Variants in EXOC6B observed in about 807,000 individuals in gnomAD.
EXOC6B encodes the protein SEC15 homolog B.
A neutral mutation model predicts 113.5 loss-of-function variants in EXOC6B; 54 were observed. That is an observed-to-expected ratio of 0.48 (90% confidence interval 0.38 to 0.60). EXOC6B has a LOEUF of 0.60. Among genes scored for constraint, EXOC6B ranks in the 20% least tolerant of loss-of-function variants. EXOC6B has a pLI of 0.00. For missense variants in EXOC6B, 797 were observed against 977.5 expected (o/e 0.82, Z 2.46); for synonymous variants, 357 against 339.0 (o/e 1.05, Z -0.58).
intron 20 of EXOC6B, among the ~76,000 whole-genome samples, chr2:72,194,178 A>C (rs1356627465): frequency 6.6e-6 from 1 of 152,188 alleles, no homozygotes; most frequent in Non-Finnish European, 1.5e-5. Context: ...TCCCATTATA[A>C]TGAGATGGCA....
At chr2:72,612,053 C>T (rs1472210848) in intron 6 of EXOC6B, among the ~76,000 whole-genome samples, 1 of 152,004 alleles carries the variant, frequency 6.6e-6, no homozygotes, top group Non-Finnish European at 1.5e-5. Flanking sequence ...AAGCCTGAGG[C>T]GGGTGGATCA....
At position 72,726,078 on chromosome 2, in the gene EXOC6B, A is replaced by G. The variant is rs921953005; in HGVS notation, c.464+4929T>C. On this transcript the variant is annotated intron_variant, in intron 5 of 21. Transcript: ENST00000272427. ...ATGAAACAGTGATACATGCTACAACATGAATGAATTTTGAAAACCTTCCAT... is the reference window on the plus strand; with the variant it reads ...ATGAAACAGTGATACATGCTACAACGTGAATGAATTTTGAAAACCTTCCAT... Among the ~76,000 whole-genome samples, 5 of 152,246 alleles carry G rather than the reference A, an allele frequency of 3.3e-5. 1 individual carries two copies. Among genetic ancestry groups the G allele is most frequent in the Non-Finnish European group, 5.9e-5 (4 of 68,046 alleles).
intron 6 of EXOC6B, among the ~76,000 whole-genome samples, chr2:72,668,740 G>A (rs1675571563): frequency 6.6e-6 from 1 of 152,124 alleles, no homozygotes; most frequent in African/African-American, 2.4e-5. Flanking sequence ...CATAAAGATT[G>A]GAATAACAGA....
At chr2:72,266,279 T>C (rs1235192243) in intron 20 of EXOC6B, among the ~76,000 whole-genome samples, 1 of 150,498 alleles carries the variant, frequency 6.6e-6, no homozygotes, top group African/African-American at 2.4e-5. Flanking sequence ...TTTGTCAATT[T>C]TGGCTTTTGT....
At chr2:72,466,211 G>T (rs2105424022) in intron 17 of EXOC6B, among the ~76,000 whole-genome samples, 1 of 152,050 alleles carries the variant, frequency 6.6e-6, no homozygotes, top group Middle Eastern at 3.4e-3. Flanking sequence ...TGGGCATGGT[G>T]GTGGGAGCCT....
rs987124678 is a variant in EXOC6B, at chr2:72,515,072, G to A, written c.970C>T (p.Arg324Cys). The A allele has an allele frequency of 1.9e-6, 3 of 1,607,902 alleles. No homozygotes were observed. The highest frequency in any genetic ancestry group is 1.7e-5 in the Admixed American group (1 of 59,278). ...TTAGATGGAGGTTGAAGTACCAAAC[G>A]AGCCTGTTTTCGCCTCTGTTTTCGG... ...YYRKQRRKQA[R>C]LVLQPPSNMH... Residue 324 changes from arginine to cysteine, a missense_variant, in exon 9 of 22, where the codon CGT (arginine) becomes TGT (cysteine). Arg to Cys is a radical substitution (Grantham distance 180). Transcript: ENST00000272427.
chr2:72,403,305 T>A (rs1693474714), intron 18 of EXOC6B, among the ~76,000 whole-genome samples: 1 of 152,172 alleles, frequency 6.6e-6, no homozygotes, highest in Non-Finnish European at 1.5e-5. Context: ...CTGGTCTGAG[T>A]TTTAAGTTCC....
chr2:72,277,258 A>G (rs566177959), intron 20 of EXOC6B, among the ~76,000 whole-genome samples: 13 of 152,328 alleles, frequency 8.5e-5, no homozygotes, highest in Admixed American at 6.5e-4. Context: ...ATATAAAAAT[A>G]TAGAGTCAAA....
At chr2:72,206,407 C>A (rs1287529298) in intron 20 of EXOC6B, among the ~76,000 whole-genome samples, 2 of 152,214 alleles carry the variant, frequency 1.3e-5, no homozygotes, top group Non-Finnish European at 2.9e-5. Context: ...TACCCATCTC[C>A]TTTAGGAAAC....
At chr2:72,202,756 C>A (rs1371901421) in intron 20 of EXOC6B, among the ~76,000 whole-genome samples, 1 of 152,176 alleles carries the variant, frequency 6.6e-6, no homozygotes, top group East Asian at 1.9e-4. Flanking sequence ...CTTGACTAGT[C>A]CTTCTCATCT....
intron 18 of EXOC6B, among the ~76,000 whole-genome samples, chr2:72,443,622 T>C (rs1573130814): frequency 6.6e-6 from 1 of 152,164 alleles, no homozygotes; most frequent in Admixed American, 6.5e-5. Flanking sequence ...AGACTTCCAG[T>C]TCCACATGGC....
chr2:72,744,870 GA>G (rs899970478), intron 1 of EXOC6B, among the ~76,000 whole-genome samples: 5 of 148,740 alleles, frequency 3.4e-5, no homozygotes, highest in East Asian at 3.9e-4. Flanking sequence ...CCTATTTAAA[GA>G]AAAAAAAAAT....
At chr2:72,768,650 T>A (rs1021474372) in intron 1 of EXOC6B, among the ~76,000 whole-genome samples, 7 of 151,636 alleles carry the variant, frequency 4.6e-5, no homozygotes, top group Non-Finnish European at 1.0e-4. Context: ...CTAACTGATA[T>A]TATGAAAATA....
chr2:72,256,028 C>G (rs1053298310), intron 20 of EXOC6B, among the ~76,000 whole-genome samples: 1 of 152,126 alleles, frequency 6.6e-6, no homozygotes, highest in Non-Finnish European at 1.5e-5. Context: ...AAGGTGAGAC[C>G]ATTCTGGATC....
At position 72,373,162 on chromosome 2, in the gene EXOC6B, G is replaced by A. The variant is rs1458122865; in HGVS notation, c.2122+6567C>T. Among the ~76,000 whole-genome samples the A allele has an allele frequency of 5.4e-5, 8 of 149,480 alleles. No homozygotes were observed. In the East Asian group the frequency reaches 1.0e-3, roughly 19 times the overall value. On this transcript the variant is annotated intron_variant, in intron 19 of 21. Coordinates refer to ENST00000272427, the MANE Select transcript of EXOC6B (RefSeq NM_015189.3). ...CAGCTCACTGCAACCTCCACCTCCC[G>A]GGTTCAAGCAATTCTCCTGCCTCAG...
chr2:72,305,730 A>C (rs1205587209), intron 20 of EXOC6B, among the ~76,000 whole-genome samples: 1 of 151,604 alleles, frequency 6.6e-6, no homozygotes, highest in African/African-American at 2.4e-5. Flanking sequence ...ACTCTAATGT[A>C]CTGTACCAAA....
intron 6 of EXOC6B, among the ~76,000 whole-genome samples, chr2:72,659,910 T>C (rs1186250225): frequency 2.6e-5 from 4 of 152,140 alleles, no homozygotes; most frequent in Admixed American, 6.5e-5. Flanking sequence ...CCTAAGGTAT[T>C]TGTAATGTTA....
At chr2:72,586,714 T>C (rs1233196464) in intron 6 of EXOC6B, among the ~76,000 whole-genome samples, 1 of 151,750 alleles carries the variant, frequency 6.6e-6, no homozygotes, top group Non-Finnish European at 1.5e-5. Context: ...ATCGCGCCAC[T>C]GCACGCTAGC....
chr2:72,575,816 CAACAA>C, intron 6 of EXOC6B, 148 bp from the exon 7 acceptor site: 2 of 635,228 alleles, frequency 3.1e-6, no homozygotes, highest in East Asian at 6.3e-5. Context: ...GAAAATACTA[CAACAA>C]AAGGCCTTAG....
Sources: allele counts gnomAD v4.1 joint callset (sites outside exome capture counted in the v4.1 genomes callset), GRCh38; gene constraint gnomAD v4.1.1; transcripts MANE v1.5; gene names NCBI Gene and HGNC (gene_info 2026-07-23, HGNC 2026-07-21).